Variants in AOPEP observed in about 807,000 individuals in gnomAD.
The protein encoded by AOPEP is aminopeptidase O.
In AOPEP, 77 loss-of-function variants were observed where a neutral mutation model predicts 98.1. That is an observed-to-expected ratio of 0.78 (90% CI 0.65 to 0.95). The LOEUF is 0.95. Ranked by LOEUF, AOPEP falls within the 40% of genes least tolerant of loss-of-function variation. The pLI is 0.00. For missense variants in AOPEP, 1,024 were observed against 1,024.7 expected, an observed-to-expected ratio of 1.00 and a Z score of 0.01; for synonymous variants, 346 against 365.3, an observed-to-expected ratio of 0.95 and a Z score of 0.60.
chr9:95,021,339 G>A (rs1171555100), intron 13 of AOPEP, among the ~76,000 whole-genome samples: 1 of 152,184 alleles, frequency 6.6e-6, no homozygotes, highest in Non-Finnish European at 1.5e-5. Flanking sequence ...GAAAAGGCAA[G>A]TACTGAGCTG....
intron 14 of AOPEP, among the ~76,000 whole-genome samples, chr9:95,066,980 G>A (rs1304913449): frequency 1.3e-5 from 2 of 152,088 alleles, no homozygotes; most frequent in Admixed American, 6.5e-5. Flanking sequence ...GAACATTGCC[G>A]TCTCTTTTTA....
rs1474082679 is a variant in AOPEP, at chr9:95,082,876, TGC to T, written c.*4+158_*4+159del. On this transcript the variant is annotated intron_variant, in intron 16 of 16. Coordinates refer to ENST00000375315, the MANE Select transcript of AOPEP (RefSeq NM_001193329.3). ...CCTGGAGAGTAACTGGCCAAGTGGG[TGC>T]TGGGCTGGTATGGGAGCCCCGGGTC... 8.6e-6 allele frequency: 7 copies of T among 812,528 alleles called. No individual in the cohort carries two copies. In the African/African-American group the frequency reaches 1.0e-4, roughly 12 times the overall value. The allele number at this position is 812,528 out of a possible 1,614,324, so 50.3% of individuals were successfully genotyped here.
At chr9:95,045,633 C>T (rs1037176757) in intron 13 of AOPEP, among the ~76,000 whole-genome samples, 1 of 152,200 alleles carries the variant, frequency 6.6e-6, no homozygotes, top group African/African-American at 2.4e-5. Context: ...TTACTCGTGT[C>T]AAGGATTGCT....
intron 5 of AOPEP, among the ~76,000 whole-genome samples, chr9:94,906,497 C>T (rs2051175771): frequency 1.1e-5 from 1 of 90,066 alleles, no homozygotes; most frequent in Non-Finnish European, 2.6e-5. Flanking sequence ...AAACAGACCC[C>T]CTCTCTATAA....
At chr9:94,964,732 C>T (rs2059082853) in intron 9 of AOPEP, among the ~76,000 whole-genome samples, 1 of 151,320 alleles carries the variant, frequency 6.6e-6, no homozygotes, top group South Asian at 2.1e-4. Context: ...CTCCGCCTCC[C>T]AGGTTCATGC....
intron 16 of AOPEP, chr9:95,085,419 C>T (rs373216664): frequency 8.2e-5 from 43 of 527,498 alleles, no homozygotes; most frequent in Non-Finnish European, 1.6e-4. Flanking sequence ...CACCGGTCAC[C>T]GTCCCTTTAT....
chr9:94,761,303 T>G (rs1838237808), intron 2 of AOPEP, among the ~76,000 whole-genome samples: 1 of 152,240 alleles, frequency 6.6e-6, no homozygotes, highest in Admixed American at 6.5e-5. Context: ...CTCTAACAAT[T>G]GTTCAGATTT....
intron 14 of AOPEP, among the ~76,000 whole-genome samples, chr9:95,072,152 C>A (rs1482454188): frequency 2.0e-5 from 3 of 152,320 alleles, no homozygotes; most frequent in East Asian, 3.9e-4. Context: ...ATCAGCCAAC[C>A]CCAGCCTGAG....
At chr9:94,873,601 G>T (rs1399936995) in intron 5 of AOPEP, among the ~76,000 whole-genome samples, 1 of 152,156 alleles carries the variant, frequency 6.6e-6, no homozygotes, top group Non-Finnish European at 1.5e-5. Flanking sequence ...CCCTTCCTTT[G>T]TATCTGGTTT....
chr9:94,727,341 A>T (rs546213886), intron 1 of AOPEP, among the ~76,000 whole-genome samples: 1 of 152,154 alleles, frequency 6.6e-6, no homozygotes, highest in Non-Finnish European at 1.5e-5. Context: ...ATCTATTGTG[A>T]TAATAAAATA....
At chr9:94,847,742 C>A (rs2043039918) in intron 5 of AOPEP, among the ~76,000 whole-genome samples, 1 of 152,130 alleles carries the variant, frequency 6.6e-6, no homozygotes, top group South Asian at 2.1e-4. Context: ...CCACAACAAT[C>A]CTGTTAGTTA....
intron 5 of AOPEP, among the ~76,000 whole-genome samples, chr9:94,823,275 C>A (rs575444106): frequency 6.6e-6 from 1 of 152,282 alleles, no homozygotes; most frequent in African/African-American, 2.4e-5. Context: ...GGATTACAGG[C>A]GTGAGCCACC....
intron 5 of AOPEP, among the ~76,000 whole-genome samples, chr9:94,847,838 C>T (rs1253274881): frequency 6.6e-6 from 1 of 152,192 alleles, no homozygotes; most frequent in Non-Finnish European, 1.5e-5. Context: ...TCAGTCACTG[C>T]TCATAGCACC....
chr9:95,082,781 A>G (rs1160845805), intron 16 of AOPEP, 62 bp downstream of exon 16: 5 of 1,571,496 alleles, frequency 3.2e-6, no homozygotes, highest in Non-Finnish European at 4.4e-6. Context: ...TTAGGAGCCA[A>G]CTAAATCAGT....
the AOPEP span, chr9:95,101,040 G>A: frequency 1.0e-3 from 238 of 233,942 alleles, no homozygotes; most frequent in Middle Eastern, 2.6e-3. Context: ...CTCTACCTTC[G>A]CCTGCCGGCT....
intron 4 of AOPEP, among the ~76,000 whole-genome samples, chr9:94,793,540 G>T (rs1213995465): frequency 1.3e-5 from 2 of 151,440 alleles, no homozygotes; most frequent in African/African-American, 4.9e-5. Context: ...AGCTGGGCAT[G>T]GTGGCGGATG....
At chr9:95,018,103 C>T (rs1044911762) in intron 13 of AOPEP, among the ~76,000 whole-genome samples, 1 of 152,198 alleles carries the variant, frequency 6.6e-6, no homozygotes, top group Non-Finnish European at 1.5e-5. Flanking sequence ...ACTGGTATAA[C>T]TGTCTTTGTG....
intron 5 of AOPEP, among the ~76,000 whole-genome samples, chr9:94,843,126 A>G (rs900909785): frequency 2.6e-5 from 4 of 152,180 alleles, no homozygotes; most frequent in African/African-American, 9.7e-5. Flanking sequence ...AACGACACAA[A>G]TATTAGACCT....
At chr9:94,761,215 A>G (rs1040971747) in intron 2 of AOPEP, among the ~76,000 whole-genome samples, 9 of 152,332 alleles carry the variant, frequency 5.9e-5, no homozygotes, top group Non-Finnish European at 1.0e-4. Flanking sequence ...GGTACCAGAA[A>G]GACCGCTGGG....
Sources: gnomAD v4.1 joint callset for allele counts (sites outside exome capture counted in the v4.1 genomes callset) on GRCh38, gnomAD v4.1.1 for gene constraint, MANE v1.5 for transcripts, NCBI Gene and HGNC (gene_info 2026-07-23, HGNC 2026-07-21) for gene names.